CDKN2A: variants seen among roughly 807,000 people sequenced by gnomAD.
CDKN2A encodes cyclin-dependent kinase inhibitor 2A.
Under a neutral mutation model 11.1 loss-of-function variants are expected in CDKN2A, and 3 were observed. The ratio of observed to expected loss-of-function variants is 0.27; its 90% CI spans 0.12 to 0.70. The LOEUF is 0.70. CDKN2A is among the 30% of genes least tolerant of loss of function. The pLI, the probability that CDKN2A is intolerant of heterozygous loss-of-function variation, is 0.77. For missense variants in CDKN2A, 265 were observed against 233.6 expected (o/e 1.13, Z -0.88); for synonymous variants, 122 against 108.1 (o/e 1.13, Z -0.80).
upstream of CDKN2A, chr9:21,974,957 T>C: frequency 7.1e-7 from 1 of 1,417,214 alleles, no homozygotes; most frequent in Non-Finnish European, 9.1e-7. This position sits in a 1 kb window ranked among gnomAD's most constrained non-coding sequence, Gnocchi z 5.2. Flanking sequence ...AAGAGCCCCC[T>C]CCGACCCTGT....
At chr9:21,975,088 C>T (rs1819984013), upstream of CDKN2A, 13 of 1,302,038 alleles carry the variant, frequency 1.0e-5, no homozygotes, top group Non-Finnish European at 1.3e-5. Flanking sequence ...CTGAAGTCGC[C>T]CCAGGTTGGG....
chr9:21,975,099 T>A (rs1310698693), upstream of CDKN2A: 1 of 1,280,042 alleles, frequency 7.8e-7, no homozygotes, highest in Non-Finnish European at 9.8e-7. Context: ...CCAGGTTGGG[T>A]CTCCCCCGGG....
chr9:21,976,277 G>C (rs1820027048), upstream of CDKN2A, among the ~76,000 whole-genome samples: 1 of 151,664 alleles, frequency 6.6e-6, no homozygotes, highest in African/African-American at 2.4e-5. Context: ...TACTCAGGAG[G>C]CTGAGGCAGG....
rs34011899 is a variant in CDKN2A, at chr9:21,968,713, C to A, written c.458-471G>T. ...AGGCTCTGGCGCTCCTCGGCGGAAT[C>A]CCGTAGCTTCCCTACGCATGCCTGC... On this transcript the variant is annotated intron_variant, in intron 2 of 2. Coordinates refer to ENST00000304494, the MANE Select transcript of CDKN2A (RefSeq NM_000077.5). The surrounding 1 kb of genome is among the most constrained non-coding windows in gnomAD (Gnocchi z 4.7). The A allele has an allele frequency of 9.1e-3, 14,043 of 1,536,146 alleles. 952 individuals are homozygous for A. In the East Asian group the frequency reaches 0.18, roughly 20 times the overall value.
Position 21,995,178 on chromosome 9 carries a change from C to G in CDKN2A, c.-533G>C, listed in dbSNP as rs1820589318. 6.6e-6 allele frequency: 1 copy of G among 152,226 alleles called. No homozygotes were observed. The highest frequency in any genetic ancestry group is 2.4e-5 in the African/African-American group (1 of 41,470). 9.4% of individuals were successfully genotyped at this position (152,226 alleles called of 1,614,324 possible). A position where few individuals can be genotyped will look rare whatever the true frequency, so the allele number is the denominator to read the frequency against. On this transcript the variant is annotated 5_prime_UTR_variant, in exon 1 of 4. Coordinates refer to the CDKN2A transcript ENST00000494262. The surrounding 1 kb of genome is among the most constrained non-coding windows in gnomAD (Gnocchi z 5.7). ...CCGGACTAGGTAGGTGGAGTCGCAC[C>G]CGGGGGTCCCAGCTGGGTCCGGGCG...
intron 2 of CDKN2A, chr9:21,989,715 T>C (rs1587353738): frequency 6.6e-6 from 1 of 152,406 alleles, no homozygotes; most frequent in East Asian, 1.9e-4. Flanking sequence ...TTCTGTCATG[T>C]CCTGCCTTTC....
chr9:21,972,829 A>G (rs1587335844), intron 1 of CDKN2A, among the ~76,000 whole-genome samples: 1 of 152,208 alleles, frequency 6.6e-6, no homozygotes, highest in African/African-American at 2.4e-5. Context: ...GAAGTAGACA[A>G]TTTATTTTAG....
intron 2 of CDKN2A, chr9:21,989,755 C>G (rs973600538): frequency 4.6e-5 from 7 of 152,428 alleles, no homozygotes; most frequent in African/African-American, 9.6e-5. Flanking sequence ...CACTCAGACT[C>G]TGTCTGCTCC....
chr9:21,971,935 C>G (rs999671498), intron 1 of CDKN2A, among the ~76,000 whole-genome samples: 2 of 151,976 alleles, frequency 1.3e-5, no homozygotes, highest in Admixed American at 6.6e-5. Context: ...CTATGAAACA[C>G]ATCTCAAAAA....
chr9:21,970,271 G>C (rs1414083489), intron 2 of CDKN2A: 2 of 237,312 alleles, frequency 8.4e-6, no homozygotes, highest in African/African-American at 4.5e-5. Flanking sequence ...ACAAGTTTAA[G>C]AGGGAAAGGA....
At chr9:21,969,310 C>G (rs1251202006) in intron 2 of CDKN2A, among the ~76,000 whole-genome samples, 2 of 151,978 alleles carry the variant, frequency 1.3e-5, no homozygotes, top group Admixed American at 1.3e-4. Context: ...ACCCCTTGAG[C>G]CAGGGAGTTT....
chr9:21,968,614 T>C lies in CDKN2A; in HGVS notation c.458-372A>G. On this transcript the variant is annotated intron_variant, in intron 2 of 2. Coordinates refer to ENST00000304494, the MANE Select transcript of CDKN2A (RefSeq NM_000077.5). This position sits in a 1 kb window ranked among gnomAD's most constrained non-coding sequence, Gnocchi z 4.7. The stretch of plus-strand genomic sequence containing the variant: ...AGGCGTGAAGATGTGGCCTTTCCCT[T>C]CCCGCATCCCCAGGCATCTTTTGCA... 1 of 1,508,394 alleles carries C rather than the reference T, an allele frequency of 6.6e-7. No homozygotes were observed. The highest frequency in any genetic ancestry group is 8.8e-7 in the Non-Finnish European group (1 of 1,133,066). 93.4% of individuals were successfully genotyped at this position (1,508,394 alleles called of 1,614,324 possible).
chr9:21,977,266 TATG>T (rs1820059881), upstream of CDKN2A, among the ~76,000 whole-genome samples: 1 of 152,220 alleles, frequency 6.6e-6, no homozygotes. Context: ...TAAGATATTT[TATG>T]ATGGAGGAGG....
At chr9:21,989,144 T>C (rs1820366213) in intron 2 of CDKN2A, among the ~76,000 whole-genome samples, 1 of 152,208 alleles carries the variant, frequency 6.6e-6, no homozygotes, top group Non-Finnish European at 1.5e-5. Flanking sequence ...TAAACACATG[T>C]GGGTTTGCTG....
In CDKN2A at chr9:21,971,067, G is replaced by A. The variant is rs1064793953; in HGVS notation, c.292C>T (p.His98Tyr). Residue 98 changes from histidine (H) to tyrosine (Y), a missense_variant, in exon 2 of 3, where the codon CAC becomes TAC. Physicochemically the swap from His to Tyr is moderately conservative, Grantham distance 83. Coordinates refer to ENST00000304494, the MANE Select transcript of CDKN2A (RefSeq NM_000077.5). ...ACGTCCAGCCGCGCCCCGGCCCGGT[G>A]CAGCACCACCAGCGTGTCCAGGAAG... ...EGFLDTLVVL[H>Y]RAGARLDVRD... 1 of 1,605,636 alleles carries A rather than the reference G, an allele frequency of 6.2e-7. No homozygotes were observed. Among genetic ancestry groups the A allele is most frequent in the Non-Finnish European group, 8.5e-7 (1 of 1,179,524 alleles).
At position 21,974,645 on chromosome 9, in the gene CDKN2A, A is replaced by G. The variant is rs1819941916; in HGVS notation, c.150+33T>C. 1 of 1,614,136 alleles carries G rather than the reference A, an allele frequency of 6.2e-7. No homozygotes were observed. ...ACTTCGTCCTCCAGAGTCGCCCGCCATCCCCTGCTCCCGCTGCAGACCCTC... is the reference window on the plus strand; with the variant it reads ...ACTTCGTCCTCCAGAGTCGCCCGCCGTCCCCTGCTCCCGCTGCAGACCCTC... On this transcript the variant is annotated intron_variant, in intron 1 of 2. Transcript: ENST00000304494. The surrounding 1 kb of genome is among the most constrained non-coding windows in gnomAD (Gnocchi z 5.2).
chr9:21,990,931 T>C (rs1257239918), intron 2 of CDKN2A, among the ~76,000 whole-genome samples: 1 of 152,200 alleles, frequency 6.6e-6, no homozygotes, highest in African/African-American at 2.4e-5. Context: ...CAAAATTGTT[T>C]TTCTTGATGG....
At position 21,968,322 on chromosome 9, in the gene CDKN2A, G is replaced by A. The variant is rs1819509872; in HGVS notation, c.458-80C>T. The A allele has an allele frequency of 3.2e-6, 5 of 1,563,504 alleles. No individual in the cohort carries two copies. The highest frequency in any genetic ancestry group is 4.4e-6 in the Non-Finnish European group (5 of 1,136,256). On this transcript the variant is annotated intron_variant, in intron 2 of 2. Coordinates refer to ENST00000304494, the MANE Select transcript of CDKN2A (RefSeq NM_000077.5). The surrounding 1 kb of genome is among the most constrained non-coding windows in gnomAD (Gnocchi z 4.7). ...GCACATCCCGCCCTCCTCTCTTGCCGTCCCTACCGGCATTGAAATACTTAT... is the reference window on the plus strand; with the variant it reads ...GCACATCCCGCCCTCCTCTCTTGCCATCCCTACCGGCATTGAAATACTTAT...
chr9:21,970,765 G>C, intron 2 of CDKN2A, 137 bp downstream of exon 2: 2 of 1,090,128 alleles, frequency 1.8e-6, no homozygotes, highest in South Asian at 2.7e-5. Context: ...GGAGACTCAG[G>C]CCGTCCCACC....
Sources: gnomAD v4.1 joint callset for allele counts (sites outside exome capture counted in the v4.1 genomes callset) on GRCh38, gnomAD v4.1.1 for gene constraint, Gnocchi (gnomAD v3.1) non-coding constraint, MANE v1.5 for transcripts, NCBI Gene and HGNC (gene_info 2026-07-23, HGNC 2026-07-21) for gene names.